GSAP: variants seen among roughly 807,000 people sequenced by gnomAD.
GSAP encodes the protein gamma-secretase-activating protein.
Under a neutral mutation model 131.7 loss-of-function variants are expected in GSAP, and 118 were observed. The ratio of observed to expected loss-of-function variants is 0.90; its 90% confidence interval spans 0.77 to 1.04. The LOEUF is 1.04. GSAP is among the 50% of genes least tolerant of loss of function. The probability of loss-of-function intolerance (pLI) is 0.00; values close to 1 mark genes in which losing one functional copy is unlikely to be tolerated. For missense variants in GSAP, 1,019 were observed against 1,013.2 expected (o/e 1.01, Z -0.08); for synonymous variants, 381 against 363.4 (o/e 1.05, Z -0.55).
intron 14 of GSAP, 21 bp from the exon 15 acceptor site, chr7:77,355,668 C>T (rs2150875421): frequency 7.9e-7 from 1 of 1,259,876 alleles, no homozygotes; most frequent in Middle Eastern, 1.9e-4. Context: ...GAAAGATTTA[C>T]ATCATCTACA....
In GSAP at chr7:77,311,405, C is replaced by T; in HGVS notation, c.2518G>A (p.Val840Ile). The T allele has an allele frequency of 6.2e-7, 1 of 1,612,890 alleles. No homozygotes were observed. The highest frequency in any genetic ancestry group is 1.1e-5 in the South Asian group (1 of 91,062). ...EGHDNVDAEF[V>I]EEAALKHTAM... ...GTGTGTTTCAGAGCTGCTTCCTCTA[C>T]AAATTCTGCATCCACATTGTCATGT... The change falls in exon 31 of 31, where the codon GTA becomes ATA. Residue 840 changes from valine (V) to isoleucine (I), a missense_variant. Val to Ile is a conservative substitution (Grantham distance 29). Coordinates refer to ENST00000257626, the MANE Select transcript of GSAP (RefSeq NM_017439.4).
Position 77,313,469 on chromosome 7 carries a change from A to G in GSAP, c.2271+19T>C. On this transcript the variant is annotated intron_variant, in intron 28 of 30. Transcript: ENST00000257626. Reference sequence around the variant, plus strand: ...AATGCCAAAGCTTAGGGAGAAAATAAAATGTAACTCAGTATTACCGGAGGA... The same window carrying G: ...AATGCCAAAGCTTAGGGAGAAAATAGAATGTAACTCAGTATTACCGGAGGA... 1 of 1,393,834 alleles carries G rather than the reference A, an allele frequency of 7.2e-7. No homozygotes were observed. 86.3% of individuals were successfully genotyped at this position (1,393,834 alleles called of 1,614,324 possible).
Position 77,355,436 on chromosome 7 carries a change from A to C in GSAP, c.1121-6T>G, listed in dbSNP as rs1258666667. ...ATCAATCATTTCATTATTTCCTGGC[A>C]AAAAAAAAAAAAACAGTAGATCAGC... is the stretch of plus-strand genomic sequence containing the variant. On this transcript the variant is annotated splice_region_variant and splice_polypyrimidine_tract_variant and intron_variant, in intron 15 of 30. Coordinates refer to ENST00000257626, the MANE Select transcript of GSAP (RefSeq NM_017439.4). 2.3e-5 allele frequency: 4 copies of C among 170,928 alleles called. No individual in the cohort carries two copies. The highest frequency in any genetic ancestry group is 4.0e-5 in the Non-Finnish European group (4 of 99,706). 10.6% of individuals were successfully genotyped at this position (170,928 alleles called of 1,614,324 possible). A position where few individuals can be genotyped will look rare whatever the true frequency, so the allele number is the denominator to read the frequency against.
intron 5 of GSAP, among the ~76,000 whole-genome samples, chr7:77,393,073 G>GA (rs142047919): frequency 0.028 from 4,162 of 150,102 alleles, 93 homozygotes; most frequent in African/African-American, 0.04. Flanking sequence ...ATTAAAAAAA[G>GA]AAAAAAAAAC....
At chr7:77,352,045 C>T (rs1205733434) in intron 18 of GSAP, among the ~76,000 whole-genome samples, 1 of 152,158 alleles carries the variant, frequency 6.6e-6, no homozygotes, top group Non-Finnish European at 1.5e-5. Context: ...ATAACCACGA[C>T]AGTAAAAGAC....
rs559641964 is a variant in GSAP, at chr7:77,383,068, T to C, written c.457-425A>G. ...CAAGTGTGGTGGCACGTGCCTGTAG[T>C]CCCAGCTACTCAGGAGGTTGAAGTG... On this transcript the variant is annotated intron_variant, in intron 6 of 30. Coordinates refer to ENST00000257626, the MANE Select transcript of GSAP (RefSeq NM_017439.4). Among the ~76,000 whole-genome samples, 469 of 152,152 alleles carry C rather than the reference T, an allele frequency of 3.1e-3. 3 individuals carry two copies. The highest frequency in any genetic ancestry group is 7.5e-3 in the South Asian group (36 of 4,818).
intron 19 of GSAP, among the ~76,000 whole-genome samples, chr7:77,347,633 A>G (rs1792107379): frequency 6.6e-6 from 1 of 152,240 alleles, no homozygotes; most frequent in African/African-American, 2.4e-5. Context: ...CTATGGAGTC[A>G]TTAGAAATTA....
chr7:77,359,564 T>C (rs979951054), intron 14 of GSAP, among the ~76,000 whole-genome samples: 1 of 152,046 alleles, frequency 6.6e-6, no homozygotes, highest in Non-Finnish European at 1.5e-5. Flanking sequence ...CAAAACAATA[T>C]TGTTGTCATA....
In GSAP at chr7:77,320,936, T is replaced by G. The variant is rs1584237974; in HGVS notation, c.1995-117A>C. 1.0e-5 allele frequency: 7 copies of G among 676,502 alleles called. No individual in the cohort carries two copies. The East Asian group carries it at 1.9e-4, about 18-fold the overall frequency. 41.9% of individuals were successfully genotyped at this position (676,502 alleles called of 1,614,324 possible). ...GGTTCATGCTAATCATGAAATGCTA[T>G]GCCTTGTAGAAAGCCCCATAAATAT... On this transcript the variant is annotated intron_variant, in intron 25 of 30. Transcript: ENST00000257626.
At chr7:77,360,972 T>C (rs1426025027) in intron 13 of GSAP, 71 bp from the exon 14 acceptor site, 2 of 825,998 alleles carry the variant, frequency 2.4e-6, no homozygotes, top group Non-Finnish European at 4.3e-6. Context: ...GCAGTGACTA[T>C]GTAACACACT....
chr7:77,408,280 T>G (rs1802647988), intron 1 of GSAP, among the ~76,000 whole-genome samples: 1 of 152,210 alleles, frequency 6.6e-6, no homozygotes, highest in Non-Finnish European at 1.5e-5. Context: ...CTGACCATCT[T>G]TCTTCTAAAA....
chr7:77,361,694 A>C (rs922009121), intron 13 of GSAP, among the ~76,000 whole-genome samples: 1 of 152,356 alleles, frequency 6.6e-6, no homozygotes, highest in Non-Finnish European at 1.5e-5. Flanking sequence ...TATACTGCAC[A>C]AATACTCATT....
chr7:77,346,943 C>T (rs1791992143), intron 19 of GSAP, among the ~76,000 whole-genome samples: 1 of 147,862 alleles, frequency 6.8e-6, no homozygotes, highest in South Asian at 2.2e-4. Context: ...CACCACCACC[C>T]CCCGCCCCAC....
At chr7:77,365,500 T>C (rs1324227897) in intron 12 of GSAP, among the ~76,000 whole-genome samples, 1 of 152,178 alleles carries the variant, frequency 6.6e-6, no homozygotes, top group Non-Finnish European at 1.5e-5. Context: ...TTACTGTTCC[T>C]GCGTTAGTTT....
chr7:77,369,727 T>C (rs924379880), intron 12 of GSAP, among the ~76,000 whole-genome samples: 2 of 152,212 alleles, frequency 1.3e-5, no homozygotes, highest in Non-Finnish European at 2.9e-5. Flanking sequence ...ATTATACTCT[T>C]TGCTTCCTTC....
Position 77,353,565 on chromosome 7 carries a change from C to A in GSAP, c.1408+7G>T, listed in dbSNP as rs1461983047. 3.8e-6 allele frequency: 6 copies of A among 1,593,992 alleles called. No individual in the cohort carries two copies. The highest frequency in any genetic ancestry group is 5.2e-6 in the Non-Finnish European group (6 of 1,162,958). ...TCAACTTAAGCTGCAACATCAGCAA[C>A]ACTTACCAATTATAAATTCCTGAAT... On this transcript the variant is annotated splice_region_variant and intron_variant, in intron 17 of 30. Transcript: ENST00000257626.
intron 17 of GSAP, 30 bp from the exon 18 acceptor site, chr7:77,353,056 A>G: frequency 8.1e-7 from 1 of 1,229,324 alleles, no homozygotes; most frequent in South Asian, 1.2e-5. Flanking sequence ...AACAGGGGGA[A>G]AAAAGATGTG....
At chr7:77,405,643 T>G (rs1190031227) in intron 2 of GSAP, among the ~76,000 whole-genome samples, 1 of 152,220 alleles carries the variant, frequency 6.6e-6, no homozygotes, top group African/African-American at 2.4e-5. Context: ...GTTCAAGCGA[T>G]TCTCCTGCCT....
chr7:77,317,802 A>ATC, intron 26 of GSAP, among the ~76,000 whole-genome samples: 1 of 152,394 alleles, frequency 6.6e-6, no homozygotes, highest in Admixed American at 6.5e-5. Flanking sequence ...TTTTGTGTTA[A>ATC]CAACAAACAA....
Sources: allele counts gnomAD v4.1 joint callset (sites outside exome capture counted in the v4.1 genomes callset), GRCh38; gene constraint gnomAD v4.1.1; transcripts MANE v1.5; gene names NCBI Gene and HGNC (gene_info 2026-07-23, HGNC 2026-07-21).